CFAP144: variants seen among roughly 807,000 people sequenced by gnomAD.
CFAP144 encodes the protein cilia- and flagella-associated protein 144.
the CFAP144 span, among the ~76,000 whole-genome samples, chr1:43,145,527 A>T: frequency 3.3e-5 from 5 of 152,186 alleles, no homozygotes; most frequent in Non-Finnish European, 7.3e-5. Context: ...TTGTGCTCTC[A>T]TCAAAGCTCT....
chr1:43,156,048 C>G, the CFAP144 span, among the ~76,000 whole-genome samples: 7 of 152,302 alleles, frequency 4.6e-5, no homozygotes, highest in African/African-American at 1.7e-4. Context: ...CTCCTCTGAC[C>G]TCACAACCTT....
the CFAP144 span, among the ~76,000 whole-genome samples, chr1:43,151,798 T>C: frequency 1.3e-5 from 2 of 152,028 alleles, no homozygotes; most frequent in Admixed American, 6.6e-5. Flanking sequence ...CTCAGAGCAT[T>C]ACGAAGGAGG....
chr1:43,152,979 T>TG, the CFAP144 span: 5 of 1,571,796 alleles, frequency 3.2e-6, no homozygotes, highest in Middle Eastern at 1.7e-4. Flanking sequence ...ACAGCAGCAA[T>TG]GTAAGTGGTG....
chr1:43,150,932 T>G, the CFAP144 span: 1 of 859,550 alleles, frequency 1.2e-6, no homozygotes, highest in South Asian at 1.5e-5. Flanking sequence ...TCCTCTGCTT[T>G]GATCCTGGAA....
chr1:43,147,842 G>C, the CFAP144 span: 4 of 1,542,728 alleles, frequency 2.6e-6, no homozygotes, highest in Non-Finnish European at 3.5e-6. Context: ...AGCACTACCC[G>C]AGCGCTGTTG....
the CFAP144 span, chr1:43,145,386 G>A: frequency 9.9e-7 from 1 of 1,009,616 alleles, no homozygotes; most frequent in South Asian, 1.4e-5. Context: ...TAGATAGATG[G>A]GGACTTAGGT....
At chr1:43,145,379 A>G in the CFAP144 span, 5 of 1,043,318 alleles carry the variant, frequency 4.8e-6, no homozygotes, top group East Asian at 2.6e-5. Flanking sequence ...CCTGCTGTAG[A>G]TAGATGGGGA....
At chr1:43,153,985 A>G in the CFAP144 span, among the ~76,000 whole-genome samples, 1 of 148,768 alleles carries the variant, frequency 6.7e-6, no homozygotes, top group East Asian at 2.0e-4. Flanking sequence ...TTCAACACCT[A>G]CATTACCAAG....
At chr1:43,149,032 T>C in the CFAP144 span, among the ~76,000 whole-genome samples, 3 of 152,134 alleles carry the variant, frequency 2.0e-5, no homozygotes, top group African/African-American at 7.2e-5. Context: ...CCCTAGTCCT[T>C]GCCGCCTGGA....
At chr1:43,148,100 G>A in the CFAP144 span, 68 of 1,611,454 alleles carry the variant, frequency 4.2e-5, no homozygotes, top group African/African-American at 4.5e-4. Flanking sequence ...AGGCACGGCG[G>A]GGTGGGGGAA....
At chr1:43,156,010 G>A in the CFAP144 span, among the ~76,000 whole-genome samples, 1 of 152,152 alleles carries the variant, frequency 6.6e-6, no homozygotes, top group African/African-American at 2.4e-5. Context: ...AGTGTGACAG[G>A]GAGAACCACG....
the CFAP144 span, chr1:43,147,696 G>T: frequency 1.4e-3 from 1,214 of 869,164 alleles, 18 homozygotes; most frequent in African/African-American, 0.02. Flanking sequence ...AACCAGCCGG[G>T]CCTGAGGAGC....
chr1:43,143,735 A>G, the CFAP144 span, among the ~76,000 whole-genome samples: 1 of 152,210 alleles, frequency 6.6e-6, no homozygotes, highest in Non-Finnish European at 1.5e-5. Flanking sequence ...CATCAAACCA[A>G]GAGAACACAG....
the CFAP144 span, among the ~76,000 whole-genome samples, chr1:43,143,631 C>A: frequency 6.6e-6 from 1 of 152,112 alleles, no homozygotes; most frequent in African/African-American, 2.4e-5. Context: ...TGGTAGTGAG[C>A]AAGGAAGTCC....
chr1:43,147,409 G>T, the CFAP144 span, among the ~76,000 whole-genome samples: 1 of 152,102 alleles, frequency 6.6e-6, no homozygotes, highest in Non-Finnish European at 1.5e-5. Context: ...AAGTCAACAA[G>T]TTCCTTAATT....
chr1:43,156,171 C>T, the CFAP144 span: 1 of 1,591,312 alleles, frequency 6.3e-7, no homozygotes, highest in Non-Finnish European at 8.6e-7. Flanking sequence ...TGCATCCTCA[C>T]AGGCTTCTTT....
chr1:43,154,062 G>A, the CFAP144 span, among the ~76,000 whole-genome samples: 562 of 83,600 alleles, frequency 6.7e-3, 7 homozygotes, highest in Middle Eastern at 0.02. Context: ...ATATGTGTGT[G>A]TATATATATA....
chr1:43,152,774 C>A, the CFAP144 span: 2 of 1,522,600 alleles, frequency 1.3e-6, no homozygotes, highest in Non-Finnish European at 1.8e-6. Context: ...GGGCACAGGA[C>A]CAACCTCTGG....
chr1:43,150,742 C>A, the CFAP144 span: 19 of 1,593,518 alleles, frequency 1.2e-5, no homozygotes, highest in Non-Finnish European at 1.5e-5. Context: ...ACTTGTGAAG[C>A]TGTTTTCTTT....
Sources: allele counts gnomAD v4.1 joint callset (sites outside exome capture counted in the v4.1 genomes callset), GRCh38; gene constraint gnomAD v4.1.1; transcripts MANE v1.5; gene names NCBI Gene and HGNC (gene_info 2026-07-23, HGNC 2026-07-21).